The following UNC13C variants were observed in gnomAD, a reference collection of about 807,000 sequenced individuals.
The protein encoded by UNC13C is protein unc-13 homolog C.
UNC13C carries 174 observed loss-of-function variants against 245.4 expected under a neutral mutation model. That is an observed-to-expected ratio of 0.71 (90% CI 0.63 to 0.80). The LOEUF (loss-of-function observed/expected upper bound fraction) is 0.80, where lower values mean the gene tolerates loss of function less well. Among genes scored for constraint, UNC13C ranks in the 30% least tolerant of loss-of-function variants. The pLI is 0.00. For synonymous variants in UNC13C, 992 were observed against 895.1 expected, an observed-to-expected ratio of 1.11 and a Z score of -1.93; for missense variants, 2,829 against 2,602.9, an observed-to-expected ratio of 1.09 and a Z score of -1.89.
At chr15:54,373,931 T>C (rs1399581434) in intron 17 of UNC13C, among the ~76,000 whole-genome samples, 2 of 152,044 alleles carry the variant, frequency 1.3e-5, no homozygotes, top group African/African-American at 4.8e-5. Context: ...TCGAAGTGGG[T>C]AGCTCCTATC....
At chr15:54,584,547 C>T (rs537569039) in intron 30 of UNC13C, among the ~76,000 whole-genome samples, 111 of 152,260 alleles carry the variant, frequency 7.3e-4, no homozygotes, top group African/African-American at 2.6e-3. Flanking sequence ...CAGTGAAAGT[C>T]CTTATGAAGA....
chr15:54,598,532 G>A (rs1033647307), intron 30 of UNC13C, among the ~76,000 whole-genome samples: 10 of 152,160 alleles, frequency 6.6e-5, no homozygotes, highest in African/African-American at 2.4e-4. Flanking sequence ...GGATCTGGGT[G>A]GAATAAACTT....
chr15:54,620,798 A>G (rs903942438), intron 30 of UNC13C, among the ~76,000 whole-genome samples: 24 of 152,074 alleles, frequency 1.6e-4, no homozygotes, highest in African/African-American at 5.8e-4. Flanking sequence ...AAAAAAAAAA[A>G]AAACCTCTCT....
chr15:54,271,378 T>A (rs752867333), intron 10 of UNC13C, among the ~76,000 whole-genome samples: 4 of 152,196 alleles, frequency 2.6e-5, no homozygotes, highest in Non-Finnish European at 5.9e-5. Flanking sequence ...ATTTCATAAT[T>A]AATTATGACC....
intron 28 of UNC13C, among the ~76,000 whole-genome samples, chr15:54,552,261 C>T (rs1184780473): frequency 2.3e-5 from 3 of 129,740 alleles, no homozygotes; most frequent in Admixed American, 1.8e-4. Context: ...TTATATATTA[C>T]AATATATAAT....
chr15:54,555,940 TATC>T (rs962356010), intron 29 of UNC13C, among the ~76,000 whole-genome samples: 4 of 152,092 alleles, frequency 2.6e-5, no homozygotes, highest in African/African-American at 4.8e-5. Flanking sequence ...ATTTTTAAAA[TATC>T]AACCCTCCCT....
rs1023620191 is a variant in UNC13C, at chr15:54,063,424, G to A, written c.2983+47538G>A. Among the ~76,000 whole-genome samples the A allele has an allele frequency of 3.3e-5, 5 of 151,934 alleles. No homozygotes were observed. In the East Asian group the frequency reaches 9.7e-4, roughly 29 times the overall value. On this transcript the variant is annotated intron_variant, in intron 2 of 32. Coordinates refer to ENST00000260323, the MANE Select transcript of UNC13C (RefSeq NM_001080534.3). ...AAGTGGGAGGAGAGAAGTACTGAAG[G>A]TATATGCCAAAGCCAATACCAACTG...
the UNC13C span, among the ~76,000 whole-genome samples, chr15:53,945,418 TATATA>T: frequency 6.6e-6 from 1 of 152,146 alleles, no homozygotes; most frequent in Admixed American, 6.6e-5. Flanking sequence ...TTGATTTTTA[TATATA>T]ATATAAAGAA....
intron 18 of UNC13C, 106 bp from the exon 19 acceptor site, chr15:54,414,876 T>G (rs776330776): frequency 1.7e-6 from 1 of 596,732 alleles, no homozygotes; most frequent in Non-Finnish European, 2.8e-6. Flanking sequence ...ATAAAAGTAT[T>G]TATGAACTAT....
intron 1 of UNC13C, among the ~76,000 whole-genome samples, chr15:54,006,577 A>T (rs1190432534): frequency 1.3e-5 from 2 of 152,228 alleles, no homozygotes; most frequent in African/African-American, 4.8e-5. Flanking sequence ...CCCTGTGATC[A>T]TCAGTCACAT....
chr15:53,944,079 C>A, the UNC13C span, among the ~76,000 whole-genome samples: 1 of 146,744 alleles, frequency 6.8e-6, no homozygotes, highest in Non-Finnish European at 1.5e-5. Flanking sequence ...TAATATCTGT[C>A]TTTTAGTTAG....
chr15:53,878,875 A>T, the UNC13C span, among the ~76,000 whole-genome samples: 2 of 144,122 alleles, frequency 1.4e-5, no homozygotes, highest in African/African-American at 4.9e-5. Context: ...ATGAATATGC[A>T]GATAGAAGCC....
chr15:54,185,308 C>G (rs1348652263), intron 4 of UNC13C, among the ~76,000 whole-genome samples: 1 of 151,970 alleles, frequency 6.6e-6, no homozygotes, highest in Admixed American at 6.6e-5. Context: ...GCTTTTGTTG[C>G]CATTGCTTTT....
the UNC13C span, among the ~76,000 whole-genome samples, chr15:53,920,396 A>G: frequency 6.6e-6 from 1 of 152,106 alleles, no homozygotes; most frequent in Non-Finnish European, 1.5e-5. Flanking sequence ...TCTACTAAAA[A>G]TACAAAAATT....
chr15:54,605,395 C>G (rs573149556), intron 30 of UNC13C, among the ~76,000 whole-genome samples: 30 of 152,248 alleles, frequency 2.0e-4, no homozygotes, highest in African/African-American at 7.0e-4. Context: ...GCACAGATGC[C>G]ACTGGATTTT....
intron 30 of UNC13C, among the ~76,000 whole-genome samples, chr15:54,589,348 G>A (rs1184276538): frequency 3.3e-5 from 4 of 122,244 alleles, no homozygotes; most frequent in Admixed American, 3.3e-4. Flanking sequence ...ACCCAGGCTG[G>A]AGTGCAGTGG....
intron 20 of UNC13C, 43 bp from the exon 21 acceptor site, chr15:54,500,036 A>G: frequency 7.1e-7 from 1 of 1,398,798 alleles, no homozygotes; most frequent in Non-Finnish European, 9.8e-7. Context: ...ATTTTATGCA[A>G]ATGATGTCCT....
At chr15:54,481,714 G>A (rs1446147934) in intron 19 of UNC13C, among the ~76,000 whole-genome samples, 2 of 152,134 alleles carry the variant, frequency 1.3e-5, no homozygotes, top group African/African-American at 4.8e-5. Context: ...ACCAGTGGTG[G>A]TGGGCAGGAC....
chr15:54,225,499 G>A (rs936678736), intron 4 of UNC13C, among the ~76,000 whole-genome samples: 4 of 152,150 alleles, frequency 2.6e-5, no homozygotes, highest in African/African-American at 9.7e-5. Flanking sequence ...GTGGTGGTTT[G>A]TAGTTCTCCT....
Sources: gnomAD v4.1 joint callset for allele counts (sites outside exome capture counted in the v4.1 genomes callset) on GRCh38, gnomAD v4.1.1 for gene constraint, MANE v1.5 for transcripts, NCBI Gene and HGNC (gene_info 2026-07-23, HGNC 2026-07-21) for gene names.